The following UBE2E2 variants were observed in gnomAD, a reference collection of about 807,000 sequenced individuals.
The protein encoded by UBE2E2 is ubiquitin conjugating enzyme E2 E2.
In UBE2E2, 6 loss-of-function variants were observed where a neutral mutation model predicts 24.7. The observed-to-expected ratio is 0.24, with a 90% confidence interval of 0.13 to 0.48. The LOEUF (loss-of-function observed/expected upper bound fraction) is 0.48, where lower values mean the gene tolerates loss of function less well. Among genes scored for constraint, UBE2E2 ranks in the 20% least tolerant of loss-of-function variants. The pLI, the probability that UBE2E2 is intolerant of heterozygous loss-of-function variation, is 0.99. For missense variants in UBE2E2, 169 were observed against 245.0 expected (o/e 0.69, Z 2.07); for synonymous variants, 104 against 83.6 (o/e 1.24, Z -1.33).
intron 4 of UBE2E2, among the ~76,000 whole-genome samples, chr3:23,519,906 A>G (rs1694825535): frequency 6.6e-6 from 1 of 151,522 alleles, no homozygotes; most frequent in South Asian, 2.1e-4. Flanking sequence ...CAGGTCTCTT[A>G]ACTCCCAGGC....
Position 23,461,443 on chromosome 3 carries a change from G to T in UBE2E2, c.228-38165G>T, listed in dbSNP as rs1376585231. 1.1e-4 allele frequency among the ~76,000 whole-genome samples: 17 copies of T among 151,240 alleles called. No homozygotes were observed. In the East Asian group the frequency reaches 2.9e-3, roughly 26 times the overall value. On this transcript the variant is annotated intron_variant, in intron 3 of 5. Coordinates refer to ENST00000396703, the MANE Select transcript of UBE2E2 (RefSeq NM_152653.4). ...AGTGTGGTAGAGGAATCCTATTCTT[G>T]ACTCTTGACTCATACATATTTGAAA... is the stretch of plus-strand genomic sequence containing the variant.
intron 3 of UBE2E2, among the ~76,000 whole-genome samples, chr3:23,330,601 C>A (rs1025307216): frequency 2.0e-5 from 3 of 152,188 alleles, no homozygotes; most frequent in Non-Finnish European, 4.4e-5. Flanking sequence ...AGGCAGAGTG[C>A]TTTCCCTGGA....
intron 3 of UBE2E2, among the ~76,000 whole-genome samples, chr3:23,333,876 T>A (rs1424260142): frequency 1.3e-5 from 2 of 152,172 alleles, no homozygotes; most frequent in South Asian, 2.1e-4. Context: ...AAAGGTTAGG[T>A]AACTAGCCTA....
In UBE2E2 at chr3:23,203,356, G is replaced by C. The variant is rs1696016387; in HGVS notation, c.-117G>C. Reference sequence around the variant, plus strand: ...TTCGGTGACTAGACGGTCCGCAGGGGACATCCCGTCCCTGGGGCCTCCCCA... The same window carrying C: ...TTCGGTGACTAGACGGTCCGCAGGGCACATCCCGTCCCTGGGGCCTCCCCA... On this transcript the variant is annotated 5_prime_UTR_variant, in exon 1 of 6. Transcript: ENST00000396703. 1 of 986,078 alleles carries C rather than the reference G, an allele frequency of 1.0e-6. No individual in the cohort carries two copies. Among genetic ancestry groups the C allele is most frequent in the East Asian group, 1.2e-4 (1 of 8,682 alleles). 61.1% of individuals were successfully genotyped at this position (986,078 alleles called of 1,614,324 possible).
At chr3:23,540,869 A>G (rs1695382652) in intron 5 of UBE2E2, among the ~76,000 whole-genome samples, 2 of 152,214 alleles carry the variant, frequency 1.3e-5, no homozygotes, top group South Asian at 4.1e-4. Context: ...AGCTGGGACT[A>G]TAGGCACATG....
At chr3:23,295,150 C>T (rs1354870690) in intron 3 of UBE2E2, among the ~76,000 whole-genome samples, 1 of 152,144 alleles carries the variant, frequency 6.6e-6, no homozygotes, top group Non-Finnish European at 1.5e-5. Flanking sequence ...TATAGATCAG[C>T]TGAGATTGCT....
At chr3:23,510,686 T>G (rs888773085) in intron 4 of UBE2E2, among the ~76,000 whole-genome samples, 1 of 152,212 alleles carries the variant, frequency 6.6e-6, no homozygotes, top group African/African-American at 2.4e-5. Flanking sequence ...ATACCTATTC[T>G]AAACCATCAG....
intron 5 of UBE2E2, among the ~76,000 whole-genome samples, chr3:23,582,971 G>A (rs1696523123): frequency 1.3e-5 from 2 of 151,304 alleles, no homozygotes; most frequent in African/African-American, 2.4e-5. Flanking sequence ...TGTCGTAGTT[G>A]CTTTTGGAGT....
chr3:23,204,620 T>C, intron 1 of UBE2E2: 1 of 919,710 alleles, frequency 1.1e-6, no homozygotes, highest in Non-Finnish European at 1.3e-6. Flanking sequence ...TGGAATTCTG[T>C]ATGTGGGCTG....
At chr3:23,586,577 C>T (rs149183068) in intron 5 of UBE2E2, among the ~76,000 whole-genome samples, 4 of 152,216 alleles carry the variant, frequency 2.6e-5, no homozygotes, top group Non-Finnish European at 5.9e-5. Flanking sequence ...GGATTACAGA[C>T]GTGAGCCATC....
intron 3 of UBE2E2, among the ~76,000 whole-genome samples, chr3:23,317,978 T>C (rs1417145841): frequency 6.6e-6 from 1 of 151,860 alleles, no homozygotes; most frequent in African/African-American, 2.4e-5. Context: ...AAATTTGGTG[T>C]TCCTGTAGGG....
intron 3 of UBE2E2, among the ~76,000 whole-genome samples, chr3:23,290,048 T>C (rs1698720937): frequency 6.6e-6 from 1 of 152,240 alleles, no homozygotes; most frequent in Admixed American, 6.5e-5. Flanking sequence ...AGGGTGAATA[T>C]ATTTTAAGCC....
chr3:23,533,733 C>A (rs1296880759), intron 5 of UBE2E2, among the ~76,000 whole-genome samples: 6 of 149,240 alleles, frequency 4.0e-5, no homozygotes, highest in African/African-American at 1.5e-4. Context: ...AGCGATTCTC[C>A]TATCTTAGCC....
At chr3:23,398,730 T>G (rs1468336097) in intron 3 of UBE2E2, among the ~76,000 whole-genome samples, 1 of 152,208 alleles carries the variant, frequency 6.6e-6, no homozygotes, top group African/African-American at 2.4e-5. Flanking sequence ...CCTGGAAATT[T>G]CAAGAAATTC....
At chr3:23,355,144 C>T (rs1270543437) in intron 3 of UBE2E2, among the ~76,000 whole-genome samples, 2 of 151,326 alleles carry the variant, frequency 1.3e-5, no homozygotes, top group Non-Finnish European at 2.9e-5. Context: ...AAAACAAACA[C>T]CTCATGTTCT....
intron 3 of UBE2E2, among the ~76,000 whole-genome samples, chr3:23,456,387 T>C (rs1160613515): frequency 2.0e-5 from 3 of 152,196 alleles, no homozygotes; most frequent in African/African-American, 7.2e-5. Context: ...TTCCACAAGA[T>C]TTTCAGTTGA....
At chr3:23,236,790 C>T (rs75886813) in intron 3 of UBE2E2, among the ~76,000 whole-genome samples, 1 of 152,052 alleles carries the variant, frequency 6.6e-6, no homozygotes, top group African/African-American at 2.4e-5. Context: ...ATGTGTGGAC[C>T]GCCTGTCTCT....
At chr3:23,427,298 T>C (rs1697949270) in intron 3 of UBE2E2, among the ~76,000 whole-genome samples, 1 of 150,708 alleles carries the variant, frequency 6.6e-6, no homozygotes, top group Non-Finnish European at 1.5e-5. Context: ...GGTGTCATTG[T>C]ATGTGCCTGT....
chr3:23,222,827 T>C (rs1330092952), intron 3 of UBE2E2, among the ~76,000 whole-genome samples: 1 of 141,824 alleles, frequency 7.1e-6, no homozygotes, highest in Non-Finnish European at 1.6e-5. Context: ...CTAATTTACA[T>C]CCCAACAACA....
Sources: gnomAD v4.1 joint callset for allele counts (sites outside exome capture counted in the v4.1 genomes callset) on GRCh38, gnomAD v4.1.1 for gene constraint, MANE v1.5 for transcripts, NCBI Gene and HGNC (gene_info 2026-07-23, HGNC 2026-07-21) for gene names.